The following OCA2 variants were observed in gnomAD, a reference collection of about 807,000 sequenced individuals.
OCA2 encodes the protein OCA2 melanosomal transmembrane protein.
OCA2 carries 77 observed loss-of-function variants against 100.2 expected under a neutral mutation model. The observed-to-expected ratio is 0.77, with a 90% CI of 0.64 to 0.93. OCA2 has a LOEUF of 0.93. OCA2 is among the 40% of genes least tolerant of loss of function. OCA2 has a pLI of 0.00. For missense variants in OCA2, 1,062 were observed against 1,089.1 expected (o/e 0.98, Z 0.35); for synonymous variants, 432 against 439.2 (o/e 0.98, Z 0.21).
At chr15:27,885,517 CT>C (rs1331102805) in intron 19 of OCA2, among the ~76,000 whole-genome samples, 3 of 152,214 alleles carry the variant, frequency 2.0e-5, no homozygotes, top group Non-Finnish European at 2.9e-5. Context: ...ACAAAGTTAT[CT>C]TTTTCTCTTT....
chr15:28,073,141 C>T (rs116941481), intron 2 of OCA2, among the ~76,000 whole-genome samples: 8,537 of 152,244 alleles, frequency 0.056, 312 homozygotes, highest in Middle Eastern at 0.1. Flanking sequence ...CCGCAGGGCA[C>T]GGTGGCTCAC....
chr15:28,084,865 G>A (rs559049240), intron 1 of OCA2, among the ~76,000 whole-genome samples: 1 of 152,338 alleles, frequency 6.6e-6, no homozygotes, highest in Admixed American at 6.5e-5. Context: ...TGCCTTTTCA[G>A]GCAACAAGGA....
At chr15:27,965,953 C>CTGTTTGTTTGTTTGTT (rs112228806) in intron 15 of OCA2, among the ~76,000 whole-genome samples, 6 of 150,812 alleles carry the variant, frequency 4.0e-5, no homozygotes, top group African/African-American at 1.2e-4. Flanking sequence ...TCAGCATCTG[C>CTGTTTGTTTGTTTGTT]TGTTTGTTTG....
intron 23 of OCA2, among the ~76,000 whole-genome samples, chr15:27,814,968 C>T: frequency 6.7e-6 from 1 of 149,586 alleles, no homozygotes. Context: ...ATATATATAT[C>T]TTCTTTATGC....
At chr15:27,806,674 T>C (rs8030798) in intron 23 of OCA2, among the ~76,000 whole-genome samples, 105,547 of 152,196 alleles carry the variant, frequency 0.69, 37,448 homozygotes, top group East Asian at 1. Flanking sequence ...GCACACATGC[T>C]TAGCATGATT....
chr15:28,082,776 G>C (rs1237997602), intron 1 of OCA2, among the ~76,000 whole-genome samples: 9 of 151,770 alleles, frequency 5.9e-5, no homozygotes, highest in African/African-American at 2.2e-4. Context: ...CTTTGGTTTT[G>C]TTTGATCTAT....
At chr15:27,730,092 C>T in the OCA2 span, among the ~76,000 whole-genome samples, 1 of 152,202 alleles carries the variant, frequency 6.6e-6, no homozygotes, top group South Asian at 2.1e-4. Flanking sequence ...ACTTCAGATA[C>T]CAGTCTCAAG....
chr15:27,970,202 G>A (rs2040723490), intron 14 of OCA2, among the ~76,000 whole-genome samples: 1 of 152,046 alleles, frequency 6.6e-6, no homozygotes, highest in Non-Finnish European at 1.5e-5. Flanking sequence ...GATGAGCTTT[G>A]CTAGCCAGTG....
At chr15:27,737,986 G>C in the OCA2 span, among the ~76,000 whole-genome samples, 1 of 152,312 alleles carries the variant, frequency 6.6e-6, no homozygotes, top group South Asian at 2.1e-4. Context: ...ACACCCGCCA[G>C]AATGCCTAAT....
chr15:27,975,424 C>T (rs2040935424), intron 14 of OCA2, among the ~76,000 whole-genome samples: 1 of 152,182 alleles, frequency 6.6e-6, no homozygotes, highest in Non-Finnish European at 1.5e-5. Context: ...TTAGGTTTTA[C>T]ACTTACATCT....
At chr15:27,970,077 G>C (rs1016668428) in intron 14 of OCA2, among the ~76,000 whole-genome samples, 9 of 151,974 alleles carry the variant, frequency 5.9e-5, no homozygotes, top group African/African-American at 2.2e-4. Flanking sequence ...CTCGCTGCTT[G>C]TAAGGGATCC....
chr15:28,095,930 GGCCCCAAATCGTCCCTAATGCGCTGCTCA>G (rs2044969722), intron 1 of OCA2, among the ~76,000 whole-genome samples: 1 of 152,126 alleles, frequency 6.6e-6, no homozygotes, highest in African/African-American at 2.4e-5. Context: ...AGCGCTGCTT[GGCCCCAAATCGTCCCTAATGCGCTGCTCA>G]GCCCCAAGGC....
intron 19 of OCA2, among the ~76,000 whole-genome samples, chr15:27,910,647 C>G (rs2038354687): frequency 7.0e-6 from 1 of 143,386 alleles, no homozygotes; most frequent in African/African-American, 2.6e-5. Flanking sequence ...GTTGTATGTG[C>G]TTATTTATGT....
intron 18 of OCA2, among the ~76,000 whole-genome samples, chr15:27,926,666 C>T (rs2039055008): frequency 6.6e-6 from 1 of 151,976 alleles, no homozygotes; most frequent in South Asian, 2.1e-4. Context: ...GCTCTGTCAC[C>T]CAGGCTGGGC....
intron 2 of OCA2, among the ~76,000 whole-genome samples, chr15:28,045,547 TC>T (rs1403281855): frequency 6.6e-6 from 1 of 152,168 alleles, no homozygotes; most frequent in East Asian, 1.9e-4. Context: ...TACCCTCCAT[TC>T]CTTTGTGCAG....
At chr15:27,750,696 C>T (rs1595353140), downstream of OCA2, among the ~76,000 whole-genome samples, 3 of 152,272 alleles carry the variant, frequency 2.0e-5, no homozygotes, top group Admixed American at 2.0e-4. Flanking sequence ...GTTATCTTTT[C>T]TCAGTGGGAA....
At chr15:27,937,880 G>T (rs1356226685) in intron 18 of OCA2, among the ~76,000 whole-genome samples, 1 of 152,130 alleles carries the variant, frequency 6.6e-6, no homozygotes, top group East Asian at 1.9e-4. Context: ...CACTCATTTA[G>T]TAGTACACTT....
At chr15:28,034,631 C>T (rs141182935) in intron 2 of OCA2, among the ~76,000 whole-genome samples, 1 of 152,086 alleles carries the variant, frequency 6.6e-6, no homozygotes, top group African/African-American at 2.4e-5. Context: ...AAAAATTAGC[C>T]GGGTGTGGTG....
intron 9 of OCA2, among the ~76,000 whole-genome samples, chr15:27,997,099 G>GAAAGA (rs1566775859): frequency 3.3e-5 from 1 of 30,138 alleles, no homozygotes; most frequent in Non-Finnish European, 1.8e-4. Flanking sequence ...AGAAAGAAAG[G>GAAAGA]AAGAAAGAAA....
Sources: gnomAD v4.1 joint callset for allele counts (sites outside exome capture counted in the v4.1 genomes callset) on GRCh38, gnomAD v4.1.1 for gene constraint, MANE v1.5 for transcripts, NCBI Gene and HGNC (gene_info 2026-07-23, HGNC 2026-07-21) for gene names.